PDZRN4: variants seen among roughly 807,000 people sequenced by gnomAD.
The protein encoded by PDZRN4 is PDZ domain containing ring finger 4, also known as PDZ domain-containing RING finger protein 4.
PDZRN4 carries 70 observed loss-of-function variants against 99.0 expected under a neutral mutation model. That is an observed-to-expected ratio of 0.71 (90% CI 0.58 to 0.86). PDZRN4 has a LOEUF of 0.86. Ranked by LOEUF, PDZRN4 falls within the 40% of genes least tolerant of loss-of-function variation. The pLI is 0.00. For synonymous variants in PDZRN4, 551 were observed against 501.6 expected (o/e 1.10, Z -1.32); for missense variants, 1,474 against 1,331.2 (o/e 1.11, Z -1.67).
chr12:41,429,197 C>T (rs1952564753), intron 3 of PDZRN4, among the ~76,000 whole-genome samples: 1 of 152,048 alleles, frequency 6.6e-6, no homozygotes, highest in Non-Finnish European at 1.5e-5. Context: ...TTCTTAAAAC[C>T]TCCAAATTTA....
intron 6 of PDZRN4, among the ~76,000 whole-genome samples, chr12:41,555,052 C>CAAAAAAAA (rs67810817): frequency 1.8e-5 from 2 of 113,542 alleles, no homozygotes; most frequent in Non-Finnish European, 3.6e-5. Flanking sequence ...ACTAAAAATA[C>CAAAAAAAA]AAAAAAAAAA....
intron 3 of PDZRN4, among the ~76,000 whole-genome samples, chr12:41,206,947 T>C (rs902745427): frequency 6.6e-6 from 1 of 151,928 alleles, no homozygotes; most frequent in Non-Finnish European, 1.5e-5. Flanking sequence ...CTATTTTGCT[T>C]CGCAATTCTT....
intron 7 of PDZRN4, among the ~76,000 whole-genome samples, chr12:41,556,869 G>A (rs1225229763): frequency 2.6e-5 from 4 of 151,532 alleles, no homozygotes; most frequent in Non-Finnish European, 5.9e-5. Flanking sequence ...GGCTGCAGGG[G>A]CCAGGCCCGG....
intron 7 of PDZRN4, among the ~76,000 whole-genome samples, chr12:41,558,852 C>G (rs1939215042): frequency 6.6e-6 from 1 of 152,158 alleles, no homozygotes; most frequent in Non-Finnish European, 1.5e-5. Flanking sequence ...AAGTAAAACT[C>G]TGACAAAATT....
chr12:41,399,736 C>CAAA (rs11324694), intron 3 of PDZRN4, among the ~76,000 whole-genome samples: 1 of 127,564 alleles, frequency 7.8e-6, no homozygotes. Context: ...AACTTTGTCT[C>CAAA]AAAAAAAAAA....
intron 3 of PDZRN4, among the ~76,000 whole-genome samples, chr12:41,484,614 T>C (rs190915354): frequency 1.1e-3 from 161 of 152,300 alleles, no homozygotes; most frequent in African/African-American, 3.7e-3. Flanking sequence ...ATGTCAGTTA[T>C]TAGAAACATT....
chr12:41,212,948 C>T (rs985575259), intron 3 of PDZRN4, among the ~76,000 whole-genome samples: 8 of 151,956 alleles, frequency 5.3e-5, no homozygotes, highest in African/African-American at 1.9e-4. Context: ...AAGAACGGCT[C>T]TCAGCAAGGA....
chr12:41,244,320 T>C (rs1349981763), intron 3 of PDZRN4, among the ~76,000 whole-genome samples: 1 of 152,142 alleles, frequency 6.6e-6, no homozygotes, highest in Non-Finnish European at 1.5e-5. Flanking sequence ...TTCTAACTGG[T>C]CTCTCTCCCT....
At chr12:41,477,768 A>G (rs1355855382) in intron 3 of PDZRN4, 2 of 735,712 alleles carry the variant, frequency 2.7e-6, no homozygotes, top group African/African-American at 1.7e-5. Flanking sequence ...TAGAATAAAC[A>G]TGACATTATG....
intron 1 of PDZRN4, among the ~76,000 whole-genome samples, chr12:41,189,877 C>T (rs1470706272): frequency 6.6e-6 from 1 of 152,158 alleles, no homozygotes; most frequent in East Asian, 1.9e-4. Flanking sequence ...CCCCAGGCAG[C>T]GGTTGTTTCC....
chr12:41,570,132 G>A (rs771429608), intron 9 of PDZRN4, among the ~76,000 whole-genome samples: 1 of 152,126 alleles, frequency 6.6e-6, no homozygotes, highest in East Asian at 1.9e-4. Flanking sequence ...GTTAGGTCTC[G>A]TGAGGTAACA....
chr12:41,412,981 T>G (rs1952411601), intron 3 of PDZRN4: 1 of 151,946 alleles, frequency 6.6e-6, no homozygotes, highest in Admixed American at 6.6e-5. Flanking sequence ...TCCCAGCTAC[T>G]CAGAAGGCTG....
intron 3 of PDZRN4, among the ~76,000 whole-genome samples, chr12:41,403,786 T>C (rs975224693): frequency 1.3e-5 from 2 of 152,180 alleles, no homozygotes; most frequent in Non-Finnish European, 2.9e-5. Flanking sequence ...TCATTCAAAA[T>C]ATTTGTTAAT....
chr12:41,322,625 G>A (rs1326706837), intron 3 of PDZRN4, among the ~76,000 whole-genome samples: 1 of 150,630 alleles, frequency 6.6e-6, no homozygotes, highest in African/African-American at 2.4e-5. Flanking sequence ...TGAGTAGCTG[G>A]GACTACAGGT....
Position 41,573,792 on chromosome 12 carries a change from G to C in PDZRN4, c.3013G>C (p.Asp1005His). ...MMKKRNKKIL[D>H]NWMTIQELMT... Reference sequence around the variant, plus strand: ...GAAAAAGAGAAACAAGAAAATTTTGGACAACTGGATGACAATCCAAGAACT... The same window carrying C: ...GAAAAAGAGAAACAAGAAAATTTTGCACAACTGGATGACAATCCAAGAACT... Residue 1005 changes from aspartate (D) to histidine (H), a missense_variant, in exon 10 of 10, where the codon GAC (aspartate) becomes CAC (histidine). Coordinates refer to ENST00000402685, the MANE Select transcript of PDZRN4 (RefSeq NM_001164595.2). The C allele has an allele frequency of 6.2e-7, 1 of 1,613,704 alleles. No individual in the cohort carries two copies. The highest frequency in any genetic ancestry group is 2.2e-5 in the East Asian group (1 of 44,852).
At chr12:41,568,004 C>T in intron 9 of PDZRN4, 105 bp downstream of exon 9, 1 of 644,340 alleles carries the variant, frequency 1.6e-6, no homozygotes, top group South Asian at 2.1e-5. Flanking sequence ...TTTAATCCAT[C>T]ATCTCTATCA....
At chr12:41,501,902 G>A (rs1245069465) in intron 3 of PDZRN4, among the ~76,000 whole-genome samples, 1 of 152,006 alleles carries the variant, frequency 6.6e-6, no homozygotes, top group Non-Finnish European at 1.5e-5. Flanking sequence ...CCATTTACTT[G>A]TTAATTCATT....
At chr12:41,280,433 C>T (rs571828891) in intron 3 of PDZRN4, among the ~76,000 whole-genome samples, 1 of 152,156 alleles carries the variant, frequency 6.6e-6, no homozygotes, top group South Asian at 2.1e-4. Flanking sequence ...GGATCCCACC[C>T]CCATGGAGCC....
chr12:41,452,686 T>G (rs1283016790), intron 3 of PDZRN4, among the ~76,000 whole-genome samples: 2 of 152,194 alleles, frequency 1.3e-5, no homozygotes, highest in East Asian at 3.8e-4. Context: ...ATTTTTTTAA[T>G]TTAAAATTTT....
Sources: allele counts gnomAD v4.1 joint callset (sites outside exome capture counted in the v4.1 genomes callset), GRCh38; gene constraint gnomAD v4.1.1; transcripts MANE v1.5; gene names NCBI Gene and HGNC (gene_info 2026-07-23, HGNC 2026-07-21).